The following KIF1A variants were observed in gnomAD, a reference collection of about 807,000 sequenced individuals.
KIF1A encodes kinesin family member 1A, also known as kinesin-like protein KIF1A.
KIF1A carries 46 observed loss-of-function variants against 227.3 expected under a neutral mutation model. That is an observed-to-expected ratio of 0.20 (90% CI 0.16 to 0.26). KIF1A has a LOEUF of 0.26. Among genes scored for constraint, KIF1A ranks in the 10% least tolerant of loss-of-function variants. The probability of loss-of-function intolerance (pLI) is 1.00; values close to 1 mark genes in which losing one functional copy is unlikely to be tolerated. For synonymous variants in KIF1A, 1,022 were observed against 1,012.8 expected (o/e 1.01, Z -0.17); for missense variants, 1,683 against 2,485.9 (o/e 0.68, Z 6.87).
Position 240,789,113 on chromosome 2 carries a change from C to A in KIF1A, c.183+123G>T. On this transcript the variant is annotated intron_variant, in intron 3 of 48. Transcript: ENST00000498729. This position sits in a 1 kb window ranked among gnomAD's most constrained non-coding sequence, Gnocchi z 4.8. ...CGCTCAGGGTGACCTTCCAGGGGAG[C>A]AGGGTGGGGTCCTCGCCCCAGTTAG... is the stretch of plus-strand genomic sequence containing the variant. 1 of 746,748 alleles carries A rather than the reference C, an allele frequency of 1.3e-6. No individual in the cohort carries two copies. The highest frequency in any genetic ancestry group is 2.3e-6 in the Non-Finnish European group (1 of 436,006). 46.3% of individuals were successfully genotyped at this position (746,748 alleles called of 1,614,324 possible).
At chr2:240,816,551 A>T (rs1237191840) in intron 1 of KIF1A, among the ~76,000 whole-genome samples, 1 of 152,116 alleles carries the variant, frequency 6.6e-6, no homozygotes, top group East Asian at 1.9e-4. Context: ...GAAATCTGGC[A>T]GGGATGGCAA....
rs1352555639 is a variant in KIF1A, at chr2:240,714,625, C to T, written c.*2739G>A. The T allele has an allele frequency of 6.6e-6, 1 of 152,312 alleles. No homozygotes were observed. The highest frequency in any genetic ancestry group is 6.5e-5 in the Admixed American group (1 of 15,278). The allele number at this position is 152,312 out of a possible 1,614,324, so 9.4% of individuals were successfully genotyped here. A position where few individuals can be genotyped will look rare whatever the true frequency, so the allele number is the denominator to read the frequency against. ...TGAGCACCTCCACACCAGCCCTCCA[C>T]CTCACAGATGTGGAAACCGACTCCT... is the stretch of plus-strand genomic sequence containing the variant. On this transcript the variant is annotated 3_prime_UTR_variant, in exon 49 of 49. Coordinates refer to ENST00000498729, the MANE Select transcript of KIF1A (RefSeq NM_001244008.2).
chr2:240,774,391 A>ACCC (rs570956380), intron 11 of KIF1A, 130 bp from the exon 12 acceptor site: 102 of 265,612 alleles, frequency 3.8e-4, no homozygotes, highest in African/African-American at 1.3e-3. Context: ...TCACAGGCTT[A>ACCC]CCCCCCCCCC....
intron 1 of KIF1A, among the ~76,000 whole-genome samples, chr2:240,818,245 G>A (rs548600740): frequency 2.2e-4 from 33 of 152,166 alleles, no homozygotes; most frequent in Non-Finnish European, 3.4e-4. Context: ...ATCTGCAGCC[G>A]GAGTGAAGCT....
intron 1 of KIF1A, among the ~76,000 whole-genome samples, chr2:240,807,126 G>GTA (rs1453884433): frequency 1.4e-3 from 139 of 101,062 alleles, no homozygotes; most frequent in African/African-American, 3.7e-3. Context: ...GTGTGTGTGT[G>GTA]TGTGTATATA....
rs771530865 is a variant in KIF1A at position 240,715,588 on chromosome 2, G to C, written c.*1776C>G. On this transcript the variant is annotated 3_prime_UTR_variant, in exon 49 of 49. Coordinates refer to ENST00000498729, the MANE Select transcript of KIF1A (RefSeq NM_001244008.2). ...CTGGCCTGCCCTGCACACCACTCTCGGAGATGGAACTTCAGGGGCCCAAAC... is the reference window on the plus strand; with the variant it reads ...CTGGCCTGCCCTGCACACCACTCTCCGAGATGGAACTTCAGGGGCCCAAAC... 4 of 152,396 alleles carry C rather than the reference G, an allele frequency of 2.6e-5. No homozygotes were observed. The highest frequency in any genetic ancestry group is 9.7e-5 in the African/African-American group (4 of 41,430). The allele number at this position is 152,396 out of a possible 1,614,324, so 9.4% of individuals were successfully genotyped here. A position where few individuals can be genotyped will look rare whatever the true frequency, so the allele number is the denominator to read the frequency against.
rs1406950989 is a variant in KIF1A, at chr2:240,725,082, G to A, written c.4256+189C>T. ...GTCAGTGTCCCCTGCAGGAACCATG[G>A]CCTCCACAGAGTCTTCATCTAGGGT... On this transcript the variant is annotated intron_variant, in intron 40 of 48. Transcript: ENST00000498729. This position sits in a 1 kb window ranked among gnomAD's most constrained non-coding sequence, Gnocchi z 5.8. Among the ~76,000 whole-genome samples the A allele has an allele frequency of 6.6e-6, 1 of 151,926 alleles. No individual in the cohort carries two copies. Among genetic ancestry groups the A allele is most frequent in the Non-Finnish European group, 1.5e-5 (1 of 67,932 alleles).
At position 240,752,463 on chromosome 2, in the gene KIF1A, C is replaced by T. The variant is rs1298900272; in HGVS notation, c.2859-1916G>A. On this transcript the variant is annotated intron_variant, in intron 27 of 48. Coordinates refer to ENST00000498729, the MANE Select transcript of KIF1A (RefSeq NM_001244008.2). This position sits in a 1 kb window ranked among gnomAD's most constrained non-coding sequence, Gnocchi z 6.4. ...GGCAATGCCTTCCCTCCCCAGGGCACCCCGGGCTCCTGGACAAGGGTCTCT... is the reference window on the plus strand; with the variant it reads ...GGCAATGCCTTCCCTCCCCAGGGCATCCCGGGCTCCTGGACAAGGGTCTCT... 6.6e-6 allele frequency among the ~76,000 whole-genome samples: 1 copy of T among 152,048 alleles called. No individual in the cohort carries two copies. Among genetic ancestry groups the T allele is most frequent in the Non-Finnish European group, 1.5e-5 (1 of 67,992 alleles).
At chr2:240,818,078 G>A (rs187215070) in intron 1 of KIF1A, among the ~76,000 whole-genome samples, 6 of 152,266 alleles carry the variant, frequency 3.9e-5, no homozygotes, top group Admixed American at 6.5e-5. Flanking sequence ...GGCAGCACCC[G>A]GCTGGGAGCA....
At chr2:240,728,570 G>T (rs188209272) in intron 38 of KIF1A, among the ~76,000 whole-genome samples, 213 of 152,378 alleles carry the variant, frequency 1.4e-3, no homozygotes, top group African/African-American at 5.1e-3. Context: ...CACAGGGCTG[G>T]GGTGCAAGCC....
In KIF1A at chr2:240,757,659, C is replaced by G; in HGVS notation, c.2583-65G>C. On this transcript the variant is annotated intron_variant, in intron 26 of 48. Transcript: ENST00000498729. This position sits in a 1 kb window ranked among gnomAD's most constrained non-coding sequence, Gnocchi z 6.2. Reference sequence around the variant, plus strand: ...GCGACTCGCAGGGACGAACAGGGGCCGGGGCCGGGGCTGGGGGGCTTCTGT... The same window carrying G: ...GCGACTCGCAGGGACGAACAGGGGCGGGGGCCGGGGCTGGGGGGCTTCTGT... 1.4e-6 allele frequency: 2 copies of G among 1,423,940 alleles called. No individual in the cohort carries two copies. The highest frequency in any genetic ancestry group is 9.5e-7 in the Non-Finnish European group (1 of 1,053,918). 88.2% of individuals were successfully genotyped at this position (1,423,940 alleles called of 1,614,324 possible).
At chr2:240,768,383 T>C (rs12473685) in intron 17 of KIF1A, among the ~76,000 whole-genome samples, 95,391 of 152,206 alleles carry the variant, frequency 0.63, 30,681 homozygotes, top group African/African-American at 0.77. Flanking sequence ...GCCCTTCCTG[T>C]CTCCGGACCT....
At chr2:240,744,726 G>A (rs3772057) in intron 32 of KIF1A, among the ~76,000 whole-genome samples, 2 of 152,056 alleles carry the variant, frequency 1.3e-5, no homozygotes, top group Non-Finnish European at 2.9e-5. Context: ...CCTCCAGAGC[G>A]ATGGGAGGCC....
chr2:240,766,514 C>T lies in KIF1A; in HGVS notation c.1684+401G>A, dbSNP rs2051198081. Among the ~76,000 whole-genome samples the T allele has an allele frequency of 6.6e-6, 1 of 152,070 alleles. No individual in the cohort carries two copies. Among genetic ancestry groups the T allele is most frequent in the South Asian group, 2.1e-4 (1 of 4,822 alleles). ...GGCTCAATCCTCATGGCTCACTGTC[C>T]TCCCGCCATGAACATCCTCCACCCT... On this transcript the variant is annotated intron_variant, in intron 19 of 48. Coordinates refer to ENST00000498729, the MANE Select transcript of KIF1A (RefSeq NM_001244008.2). This position sits in a 1 kb window ranked among gnomAD's most constrained non-coding sequence, Gnocchi z 5.0.
chr2:240,723,317 G>T lies in KIF1A; in HGVS notation c.4464+96C>A, dbSNP rs555597998. On this transcript the variant is annotated intron_variant, in intron 42 of 48. Coordinates refer to ENST00000498729, the MANE Select transcript of KIF1A (RefSeq NM_001244008.2). ...TCCCAAGCAGCTGTGCTGCCCCCCA[G>T]TAGGCACCAGGCCCTGGGCCCTCTC... 7.3e-5 allele frequency: 91 copies of T among 1,253,860 alleles called. No homozygotes were observed. The South Asian group carries it at 1.3e-3, about 18-fold the overall frequency. 77.7% of individuals were successfully genotyped at this position (1,253,860 alleles called of 1,614,324 possible). A position where few individuals can be genotyped will look rare whatever the true frequency, so the allele number is the denominator to read the frequency against.
intron 27 of KIF1A, among the ~76,000 whole-genome samples, chr2:240,751,694 A>G (rs1324422670): frequency 6.6e-6 from 1 of 151,868 alleles, no homozygotes; most frequent in Non-Finnish European, 1.5e-5. Context: ...ACATCCCCCC[A>G]TGCCCTTGGT....
chr2:240,741,486 G>C, intron 34 of KIF1A, 109 bp from the exon 35 acceptor site: 1 of 786,014 alleles, frequency 1.3e-6, no homozygotes. Context: ...GAGGCAGCAA[G>C]GGCACCTCCC....
intron 45 of KIF1A, 109 bp from the exon 46 acceptor site, chr2:240,720,035 C>T: frequency 8.9e-6 from 10 of 1,122,664 alleles, no homozygotes; most frequent in Non-Finnish European, 1.2e-5. Flanking sequence ...AGTAGGGCAC[C>T]TTCGCAGGGT....
intron 10 of KIF1A, among the ~76,000 whole-genome samples, chr2:240,777,657 A>ACG (rs1483484248): frequency 6.6e-6 from 1 of 152,128 alleles, no homozygotes; most frequent in Non-Finnish European, 1.5e-5. Context: ...TGGCCTGAGG[A>ACG]CGCACCCTTG....
Sources: gnomAD v4.1 joint callset for allele counts (sites outside exome capture counted in the v4.1 genomes callset) on GRCh38, gnomAD v4.1.1 for gene constraint, Gnocchi (gnomAD v3.1) non-coding constraint, MANE v1.5 for transcripts, NCBI Gene and HGNC (gene_info 2026-07-23, HGNC 2026-07-21) for gene names.